DCDC2: variants seen among roughly 807,000 people sequenced by gnomAD.
DCDC2 encodes doublecortin domain containing 2.
A neutral mutation model predicts 50.2 loss-of-function variants in DCDC2; 40 were observed. The ratio of observed to expected loss-of-function variants is 0.80; its 90% confidence interval spans 0.62 to 1.04. DCDC2 has a LOEUF of 1.04. DCDC2 is among the 50% of genes least tolerant of loss of function. The probability of loss-of-function intolerance (pLI) is 0.00; values close to 1 mark genes in which losing one functional copy is unlikely to be tolerated. For synonymous variants in DCDC2, 234 were observed against 210.6 expected (o/e 1.11, Z -0.96); for missense variants, 570 against 581.9 (o/e 0.98, Z 0.21).
chr6:24,319,085 C>T (rs1759726037), intron 2 of DCDC2, among the ~76,000 whole-genome samples: 1 of 152,050 alleles, frequency 6.6e-6, no homozygotes, highest in East Asian at 1.9e-4. Flanking sequence ...GCATCCTTGC[C>T]AACATTTGTT....
At chr6:24,286,066 C>A (rs995340078) in intron 6 of DCDC2, among the ~76,000 whole-genome samples, 1 of 152,154 alleles carries the variant, frequency 6.6e-6, no homozygotes, top group Non-Finnish European at 1.5e-5. Context: ...ATTGTTTTCA[C>A]CTCCTGAAAT....
In DCDC2 at chr6:24,299,780, A is replaced by G. The variant is rs185744491; in HGVS notation, c.557+1935T>C. Reference sequence around the variant, plus strand: ...AAAAATTTTTTTTAATTAGATGGGCATGGTGGCAGGCGCCTGTAATCCCAG... The same window carrying G: ...AAAAATTTTTTTTAATTAGATGGGCGTGGTGGCAGGCGCCTGTAATCCCAG... On this transcript the variant is annotated intron_variant, in intron 4 of 9. Coordinates refer to ENST00000378454, the MANE Select transcript of DCDC2 (RefSeq NM_016356.5). Among the ~76,000 whole-genome samples, 18 of 152,150 alleles carry G rather than the reference A, an allele frequency of 1.2e-4. No homozygotes were observed. In the East Asian group the frequency reaches 3.3e-3, roughly 28 times the overall value.
chr6:24,374,307 C>A, the DCDC2 span, among the ~76,000 whole-genome samples: 1 of 151,916 alleles, frequency 6.6e-6, no homozygotes, highest in Non-Finnish European at 1.5e-5. Context: ...GTGGCTCACA[C>A]CTGTAATCCC....
Position 24,205,036 on chromosome 6 carries a change from T to A in DCDC2, c.989A>T (p.Asp330Val). ...ETRGAAEVQE[D>V]EDTQVEVPVD... ...TGGAACCTCAACCTGAGTATCTTCA[T>A]CTTCTTGGACTTCTGCTGCCCCCCG... The change falls in exon 8 of 10, where the codon GAT becomes GTT. Residue 330 changes from aspartate (D) to valine (V), a missense_variant. Coordinates refer to ENST00000378454, the MANE Select transcript of DCDC2 (RefSeq NM_016356.5). The A allele has an allele frequency of 6.2e-7, 1 of 1,614,086 alleles. No homozygotes were observed. Among genetic ancestry groups the A allele is most frequent in the Non-Finnish European group, 8.5e-7 (1 of 1,179,980 alleles).
chr6:24,183,612 G>A (rs918470672), intron 8 of DCDC2, among the ~76,000 whole-genome samples: 2 of 152,156 alleles, frequency 1.3e-5, no homozygotes, highest in African/African-American at 4.8e-5. Context: ...GGACTCTGCA[G>A]AATAACATAC....
In DCDC2 at chr6:24,301,811, G is replaced by C. The variant is rs762390922; in HGVS notation, c.461C>G (p.Ser154Cys). 40 of 1,614,066 alleles carry C rather than the reference G, an allele frequency of 2.5e-5. No homozygotes were observed. The highest frequency in any genetic ancestry group is 3.3e-5 in the Non-Finnish European group (39 of 1,180,036). ...IANGDLINPA[S>C]RLLIPRKTLN... ...GGTTTTTCTGGGGATAAGGAGGCGAGAAGCTGGGTTTATGAGGTCTCCATT... is the reference window on the plus strand; with the variant it reads ...GGTTTTTCTGGGGATAAGGAGGCGACAAGCTGGGTTTATGAGGTCTCCATT... The change falls in exon 4 of 10, where the codon TCT becomes TGT. Residue 154 changes from serine to cysteine, a missense_variant. Ser to Cys is a moderately radical substitution (Grantham distance 112). Transcript: ENST00000378454.
intron 7 of DCDC2, among the ~76,000 whole-genome samples, chr6:24,235,818 C>T (rs771790054): frequency 2.0e-5 from 3 of 152,110 alleles, no homozygotes; most frequent in Non-Finnish European, 2.9e-5. Flanking sequence ...CAATAATGTA[C>T]AAGCTGAGAG....
chr6:24,214,177 TC>T (rs1336680712), intron 7 of DCDC2, among the ~76,000 whole-genome samples: 2 of 152,216 alleles, frequency 1.3e-5, no homozygotes, highest in African/African-American at 4.8e-5. Context: ...ATTCTCCAAC[TC>T]CCATTTCAGG....
At chr6:24,237,594 C>G (rs563897944) in intron 7 of DCDC2, among the ~76,000 whole-genome samples, 139 of 152,200 alleles carry the variant, frequency 9.1e-4, no homozygotes, top group African/African-American at 3.3e-3. Flanking sequence ...AAAATAAATC[C>G]TTCTATCGAA....
intron 8 of DCDC2, among the ~76,000 whole-genome samples, chr6:24,183,343 G>A (rs540750964): frequency 6.6e-6 from 1 of 152,266 alleles, no homozygotes; most frequent in South Asian, 2.1e-4. Context: ...ATGGAGCAGA[G>A]GAAATGTACT....
chr6:24,194,816 A>G (rs1412436068), intron 8 of DCDC2, among the ~76,000 whole-genome samples: 1 of 152,166 alleles, frequency 6.6e-6, no homozygotes, highest in East Asian at 1.9e-4. Flanking sequence ...GTTTTGAAAG[A>G]GTATCTTAGG....
chr6:24,289,777 A>G (rs1159616334), intron 5 of DCDC2, among the ~76,000 whole-genome samples: 1 of 152,168 alleles, frequency 6.6e-6, no homozygotes, highest in Admixed American at 6.6e-5. Context: ...CAGCCTCTCC[A>G]TCAAGTTACA....
rs116613296 is a variant in DCDC2 at position 24,266,165 on chromosome 6, C to T, written c.922+11884G>A. The stretch of plus-strand genomic sequence containing the variant: ...TATGCAAAAGAATGAAATTGGACCC[C>T]GATATCTCACCATATACAAAAATAA... On this transcript the variant is annotated intron_variant, in intron 7 of 9. Coordinates refer to ENST00000378454, the MANE Select transcript of DCDC2 (RefSeq NM_016356.5). 8.3e-3 allele frequency among the ~76,000 whole-genome samples: 1,257 copies of T among 152,052 alleles called. 9 individuals carry two copies. Among genetic ancestry groups the T allele is most frequent in the African/African-American group, 0.015 (606 of 41,482 alleles).
At chr6:24,205,156 C>T (rs1380385378) in intron 7 of DCDC2, 54 bp from the exon 8 acceptor site, 1 of 1,614,094 alleles carries the variant, frequency 6.2e-7, no homozygotes, top group Admixed American at 1.7e-5. Flanking sequence ...CATCGTGTGG[C>T]TGAATGCTGG....
intron 7 of DCDC2, among the ~76,000 whole-genome samples, chr6:24,232,906 A>T (rs74651043): frequency 0.013 from 1,924 of 152,192 alleles, 42 homozygotes; most frequent in East Asian, 0.076. Flanking sequence ...TTTCCTTTCC[A>T]TATCTTCCTA....
chr6:24,334,586 A>C (rs1020615989), intron 2 of DCDC2, among the ~76,000 whole-genome samples: 6 of 152,206 alleles, frequency 3.9e-5, no homozygotes, highest in Non-Finnish European at 7.3e-5. Context: ...GTTATTTACT[A>C]TCTGTTTACA....
chr6:24,360,390 C>T (rs1470374127), upstream of DCDC2, among the ~76,000 whole-genome samples: 1 of 152,204 alleles, frequency 6.6e-6, no homozygotes, highest in African/African-American at 2.4e-5. Context: ...AAAAGGAAAA[C>T]CTACAAAATT....
intron 7 of DCDC2, among the ~76,000 whole-genome samples, chr6:24,264,492 G>A (rs533241213): frequency 1.8e-4 from 27 of 152,116 alleles, no homozygotes; most frequent in African/African-American, 6.3e-4. Flanking sequence ...TTAAACTGTA[G>A]AGTTTTTATT....
intron 7 of DCDC2, among the ~76,000 whole-genome samples, chr6:24,218,655 T>C (rs974646552): frequency 3.3e-5 from 5 of 152,132 alleles, no homozygotes; most frequent in African/African-American, 7.2e-5. Context: ...ACCTGACTAA[T>C]TTCTTTTGCT....
Sources: allele counts gnomAD v4.1 joint callset (sites outside exome capture counted in the v4.1 genomes callset), GRCh38; gene constraint gnomAD v4.1.1; transcripts MANE v1.5; gene names NCBI Gene and HGNC (gene_info 2026-07-23, HGNC 2026-07-21).